NAP1L1: variants seen among roughly 807,000 people sequenced by gnomAD.
NAP1L1 encodes nucleosome assembly protein 1 like 1, also known as nucleosome assembly protein 1-like 1.
NAP1L1 carries 9 observed loss-of-function variants against 58.9 expected under a neutral mutation model. The observed-to-expected ratio is 0.15, with a 90% confidence interval of 0.09 to 0.27. NAP1L1 has a LOEUF of 0.27. Among genes scored for constraint, NAP1L1 ranks in the 10% least tolerant of loss-of-function variants. The pLI is 1.00. For missense variants in NAP1L1, 302 were observed against 458.8 expected, an observed-to-expected ratio of 0.66 and a Z score of 3.12; for synonymous variants, 130 against 138.3, an observed-to-expected ratio of 0.94 and a Z score of 0.42.
intron 1 of NAP1L1, among the ~76,000 whole-genome samples, chr12:76,076,549 A>AATATATATATATATATATATATATATAT (rs58649228): frequency 2.5e-5 from 3 of 120,628 alleles, no homozygotes; most frequent in Non-Finnish European, 3.4e-5. Context: ...TGGATATGGA[A>AATATATATATATATATATATATATATAT]ATATATATAT....
chr12:76,064,194 C>A (rs561423841), intron 4 of NAP1L1, among the ~76,000 whole-genome samples: 2 of 151,890 alleles, frequency 1.3e-5, no homozygotes, highest in African/African-American at 4.8e-5. Flanking sequence ...AATTATGACC[C>A]CCCCAAAAAA....
At chr12:76,064,291 T>C (rs1949558040) in intron 4 of NAP1L1, among the ~76,000 whole-genome samples, 1 of 152,156 alleles carries the variant, frequency 6.6e-6, no homozygotes, top group Non-Finnish European at 1.5e-5. Context: ...ACACCTAATA[T>C]GGCTCCAAAA....
rs1354989654 is a variant in NAP1L1, at chr12:76,043,951, C to T, written c.*4478G>A. ...GACTTCTGGCACTCACGTTTAATCA[C>T]ACATTCCTAGTTCCTTCTTTTTGGC... is the stretch of plus-strand genomic sequence containing the variant. On this transcript the variant is annotated 3_prime_UTR_variant, in exon 15 of 15. Coordinates refer to ENST00000618691, the MANE Select transcript of NAP1L1 (RefSeq NM_004537.7). 2 of 152,226 alleles carry T rather than the reference C, an allele frequency of 1.3e-5. No individual in the cohort carries two copies. The highest frequency in any genetic ancestry group is 2.9e-5 in the Non-Finnish European group (2 of 68,056). The allele number at this position is 152,226 out of a possible 1,614,324, so 9.4% of individuals were successfully genotyped here. A position where few individuals can be genotyped will look rare whatever the true frequency, so the allele number is the denominator to read the frequency against.
At chr12:76,056,304 A>G (rs1277372746) in intron 6 of NAP1L1, 143 bp from the exon 7 acceptor site, 2 of 779,798 alleles carry the variant, frequency 2.6e-6, no homozygotes, top group Non-Finnish European at 4.0e-6. Context: ...GCCGTTGCCC[A>G]TAACAAACCT....
chr12:76,061,364 A>G (rs1217321672), intron 4 of NAP1L1, among the ~76,000 whole-genome samples: 1 of 152,162 alleles, frequency 6.6e-6, no homozygotes, highest in African/African-American at 2.4e-5. Context: ...CCTACTGGTA[A>G]GTAAGAATGT....
Position 76,039,674 on chromosome 12 carries a change from T to C in NAP1L1, c.*8755A>G, listed in dbSNP as rs1948532084. 6.6e-6 allele frequency: 1 copy of C among 152,242 alleles called. No individual in the cohort carries two copies. The highest frequency in any genetic ancestry group is 2.1e-4 in the South Asian group (1 of 4,832). The allele number at this position is 152,242 out of a possible 1,614,324, so 9.4% of individuals were successfully genotyped here. A position where few individuals can be genotyped will look rare whatever the true frequency, so the allele number is the denominator to read the frequency against. ...TGTGACAGAAATATCTACAAGGCAG[T>C]GCAAAGTGTAGGGCCATCCAAATGC... On this transcript the variant is annotated 3_prime_UTR_variant, in exon 15 of 15. Transcript: ENST00000618691.
At chr12:76,080,014 C>G (rs1457531520) in intron 1 of NAP1L1, among the ~76,000 whole-genome samples, 5 of 152,118 alleles carry the variant, frequency 3.3e-5, no homozygotes, top group Non-Finnish European at 7.4e-5. Context: ...CCTTCCTAAA[C>G]TGAACTAAAA....
intron 6 of NAP1L1, chr12:76,056,399 A>T: frequency 3.5e-6 from 1 of 284,266 alleles, no homozygotes; most frequent in South Asian, 4.0e-5. Context: ...CCATTTTAGT[A>T]AAAAAAAAAT....
intron 6 of NAP1L1, chr12:76,057,700 C>T: frequency 6.6e-7 from 1 of 1,521,462 alleles, no homozygotes; most frequent in Non-Finnish European, 8.9e-7. Flanking sequence ...TAAATGTAGA[C>T]AATGATTAGA....
chr12:76,057,434 T>C, intron 6 of NAP1L1: 3 of 573,092 alleles, frequency 5.2e-6, no homozygotes, highest in Non-Finnish European at 6.3e-6. Context: ...ACTGATGCTC[T>C]AGGGAGGCCC....
At chr12:76,068,055 G>C (rs904332554) in intron 3 of NAP1L1, among the ~76,000 whole-genome samples, 1 of 152,246 alleles carries the variant, frequency 6.6e-6, no homozygotes, top group African/African-American at 2.4e-5. Flanking sequence ...ATCCAAATAT[G>C]CACTAGACTT....
At position 76,036,691 on chromosome 12, in the gene NAP1L1, T is replaced by C. The variant is rs1427055221; in HGVS notation, c.*11738A>G. The C allele has an allele frequency of 6.6e-6, 1 of 152,188 alleles. No homozygotes were observed. The highest frequency in any genetic ancestry group is 1.5e-5 in the Non-Finnish European group (1 of 68,030). 9.4% of individuals were successfully genotyped at this position (152,188 alleles called of 1,614,324 possible). On this transcript the variant is annotated 3_prime_UTR_variant, in exon 15 of 15. Coordinates refer to ENST00000618691, the MANE Select transcript of NAP1L1 (RefSeq NM_004537.7). ...CATGACAATGATCATTATTAAAGATTTGGATAGACCAAAGGTCAAACATCT... is the reference window on the plus strand; with the variant it reads ...CATGACAATGATCATTATTAAAGATCTGGATAGACCAAAGGTCAAACATCT...
intron 2 of NAP1L1, among the ~76,000 whole-genome samples, chr12:76,071,566 TGA>T (rs1310872061): frequency 1.3e-5 from 2 of 152,144 alleles, no homozygotes; most frequent in African/African-American, 4.8e-5. Context: ...ATAATTTCAT[TGA>T]GAGAACTGAA....
intron 6 of NAP1L1, chr12:76,057,480 T>G: frequency 1.5e-6 from 1 of 659,420 alleles, no homozygotes; most frequent in Non-Finnish European, 2.8e-6. Context: ...TCGGCTCAGC[T>G]GGCAACAGTG....
intron 1 of NAP1L1, among the ~76,000 whole-genome samples, chr12:76,083,604 A>T (rs774492349): frequency 1.3e-5 from 2 of 152,052 alleles, no homozygotes; most frequent in African/African-American, 2.4e-5. Context: ...CAAATAAAAA[A>T]CCCTGATCAA....
intron 1 of NAP1L1, among the ~76,000 whole-genome samples, chr12:76,076,551 TATATATA>T (rs1950181454): frequency 4.1e-4 from 2 of 4,884 alleles, no homozygotes; most frequent in Admixed American, 3.6e-3. Context: ...GATATGGAAA[TATATATA>T]TATATATATA....
intron 6 of NAP1L1, chr12:76,057,675 T>C (rs1291160343): frequency 2.9e-5 from 43 of 1,472,826 alleles, no homozygotes; most frequent in Non-Finnish European, 1.0e-5. Flanking sequence ...ACTGTGAATA[T>C]ATGCCTGATG....
intron 2 of NAP1L1, among the ~76,000 whole-genome samples, chr12:76,072,699 C>T (rs1950011842): frequency 6.6e-6 from 1 of 152,084 alleles, no homozygotes; most frequent in South Asian, 2.1e-4. Context: ...TCTTAATTAT[C>T]ACACACAAAT....
At position 76,062,228 on chromosome 12, in the gene NAP1L1, C is replaced by G. The variant is rs144239908; in HGVS notation, c.207-1949G>C. Among the ~76,000 whole-genome samples the G allele has an allele frequency of 9.7e-3, 1,483 of 152,238 alleles. 22 individuals carry two copies. The highest frequency in any genetic ancestry group is 0.033 in the African/African-American group (1,371 of 41,544). The stretch of plus-strand genomic sequence containing the variant: ...ATCCAATCTAGGAATGATGAATTGA[C>G]AACCAAAGGAGACTAGTCCCCCACC... On this transcript the variant is annotated intron_variant, in intron 4 of 14. Transcript: ENST00000618691.
Sources: gnomAD v4.1 joint callset for allele counts (sites outside exome capture counted in the v4.1 genomes callset) on GRCh38, gnomAD v4.1.1 for gene constraint, MANE v1.5 for transcripts, NCBI Gene and HGNC (gene_info 2026-07-23, HGNC 2026-07-21) for gene names.